The following BCAS3 variants were observed in gnomAD, a reference collection of about 807,000 sequenced individuals.
The protein encoded by BCAS3 is BCAS3 microtubule associated cell migration factor.
Under a neutral mutation model 116.1 loss-of-function variants are expected in BCAS3, and 53 were observed. The observed-to-expected ratio is 0.46, with a 90% CI of 0.37 to 0.57. The LOEUF is 0.57. Ranked by LOEUF, BCAS3 falls within the 20% of genes least tolerant of loss-of-function variation. The probability of loss-of-function intolerance (pLI) is 0.00; values close to 1 mark genes in which losing one functional copy is unlikely to be tolerated. For missense variants in BCAS3, 917 were observed against 1,165.4 expected (o/e 0.79, Z 3.10); for synonymous variants, 391 against 408.2 (o/e 0.96, Z 0.51).
chr17:61,319,894 T>TA (rs1364084572), intron 22 of BCAS3, among the ~76,000 whole-genome samples: 6 of 129,330 alleles, frequency 4.6e-5, no homozygotes, highest in African/African-American at 2.2e-4. Flanking sequence ...TTTTTATTTT[T>TA]TATTTTTTTT....
At position 61,258,628 on chromosome 17, in the gene BCAS3, CATTG is replaced by C. The variant is rs1296675413; in HGVS notation, c.2426-109695_2426-109692del. ...ACTGTTCCCCTTGATCATAATACAA[CATTG>C]ATTAAGTAAGTAGACTGATGTTCAC... On this transcript the variant is annotated intron_variant, in intron 22 of 23. Transcript: ENST00000407086. The surrounding 1 kb of genome is among the most constrained non-coding windows in gnomAD (Gnocchi z 4.7). 1.3e-5 allele frequency among the ~76,000 whole-genome samples: 2 copies of C among 152,226 alleles called. No homozygotes were observed. Among genetic ancestry groups the C allele is most frequent in the Non-Finnish European group, 2.9e-5 (2 of 68,032 alleles).
chr17:61,253,673 G>A (rs1266033445), intron 22 of BCAS3, among the ~76,000 whole-genome samples: 1 of 150,454 alleles, frequency 6.6e-6, no homozygotes, highest in Non-Finnish European at 1.5e-5. Context: ...GGATGCCTCT[G>A]GGCCAGTGCT....
chr17:60,770,454 T>C (rs2044560011), intron 6 of BCAS3, among the ~76,000 whole-genome samples: 1 of 139,444 alleles, frequency 7.2e-6, no homozygotes, highest in African/African-American at 2.7e-5. Context: ...GAGTCTTGCC[T>C]TGTCACCAGG....
intron 22 of BCAS3, among the ~76,000 whole-genome samples, chr17:61,266,298 A>G (rs1188750894): frequency 6.6e-6 from 1 of 152,184 alleles, no homozygotes; most frequent in Non-Finnish European, 1.5e-5. Context: ...AAGGAGACAA[A>G]TGGCTTAAAG....
chr17:61,027,761 T>G (rs8079211), intron 16 of BCAS3, among the ~76,000 whole-genome samples: 1 of 151,718 alleles, frequency 6.6e-6, no homozygotes, highest in Non-Finnish European at 1.5e-5. Flanking sequence ...AATGTACCTA[T>G]GTAATGGACT....
At chr17:60,893,874 G>T (rs1358835613) in intron 10 of BCAS3, among the ~76,000 whole-genome samples, 2 of 152,058 alleles carry the variant, frequency 1.3e-5, no homozygotes, top group African/African-American at 4.8e-5. Flanking sequence ...CTCCCAAAGT[G>T]CTGGGATTGC....
intron 5 of BCAS3, among the ~76,000 whole-genome samples, chr17:60,745,871 A>C (rs1433827112): frequency 6.6e-6 from 1 of 152,162 alleles, no homozygotes; most frequent in Non-Finnish European, 1.5e-5. Context: ...ACAACTTAAC[A>C]TTTTAAGAAA....
At chr17:60,876,097 T>C (rs897967252) in intron 9 of BCAS3, among the ~76,000 whole-genome samples, 8 of 152,072 alleles carry the variant, frequency 5.3e-5, no homozygotes, top group African/African-American at 1.7e-4. Flanking sequence ...GTTGCCATAC[T>C]GGACTTAACT....
chr17:61,101,980 G>A (rs1305520712), intron 22 of BCAS3, among the ~76,000 whole-genome samples: 1 of 152,092 alleles, frequency 6.6e-6, no homozygotes, highest in Non-Finnish European at 1.5e-5. Context: ...GCTGTGGGAT[G>A]ATACCTTTAT....
intron 22 of BCAS3, among the ~76,000 whole-genome samples, chr17:61,230,012 C>G (rs143282444): frequency 0.02 from 3,019 of 152,198 alleles, 97 homozygotes; most frequent in African/African-American, 0.069. Context: ...ATAGTCCCAG[C>G]TACTCAGGAG....
Position 61,176,138 on chromosome 17 carries a change from CAAA to C in BCAS3, c.2425+91595_2425+91597del, listed in dbSNP as rs534042215. 3.4e-3 allele frequency among the ~76,000 whole-genome samples: 171 copies of C among 50,032 alleles called. 1 individual carries two copies. The highest frequency in any genetic ancestry group is 0.011 in the African/African-American group (163 of 15,176). The allele number at this position is 50,032 out of a possible 152,430, so 32.8% of individuals were successfully genotyped here. A position where few individuals can be genotyped will look rare whatever the true frequency, so the allele number is the denominator to read the frequency against. On this transcript the variant is annotated intron_variant, in intron 22 of 23. Coordinates refer to ENST00000407086, the MANE Select transcript of BCAS3 (RefSeq NM_017679.5). ...TGGGAGACAGAGCAAGACCCTATCT[CAAA>C]AAAAAAAAAAAAAAAAAAAAGAAAA...
At chr17:60,981,761 G>A (rs1351918552) in intron 14 of BCAS3, among the ~76,000 whole-genome samples, 2 of 152,132 alleles carry the variant, frequency 1.3e-5, no homozygotes, top group Non-Finnish European at 2.9e-5. Flanking sequence ...CTATGAAATT[G>A]GCATAATTAT....
At chr17:61,091,917 C>A (rs1362121886) in intron 22 of BCAS3, among the ~76,000 whole-genome samples, 2 of 152,266 alleles carry the variant, frequency 1.3e-5, no homozygotes, top group South Asian at 4.1e-4. Context: ...AGCAAAAATG[C>A]ATGTTTTAAT....
intron 22 of BCAS3, among the ~76,000 whole-genome samples, chr17:61,221,013 T>C (rs980519770): frequency 1.3e-5 from 2 of 152,088 alleles, no homozygotes; most frequent in Non-Finnish European, 2.9e-5. Flanking sequence ...GGCAGAAGAA[T>C]GGCATGAACC....
Position 61,003,030 on chromosome 17 carries a change from C to G in BCAS3, c.1487-12721C>G, listed in dbSNP as rs187694499. Among the ~76,000 whole-genome samples the G allele has an allele frequency of 7.1e-4, 108 of 151,940 alleles. 2 individuals carry two copies. In the East Asian group the frequency reaches 0.02, roughly 29 times the overall value. On this transcript the variant is annotated intron_variant, in intron 15 of 23. Transcript: ENST00000407086. ...CTTTTTGGCCTATCCTCCCCACTCT[C>G]GGGTGTCATTCCCCAGAGGCCTCTT... is the stretch of plus-strand genomic sequence containing the variant.
chr17:61,312,849 C>A (rs2054427638), intron 22 of BCAS3, among the ~76,000 whole-genome samples: 1 of 152,192 alleles, frequency 6.6e-6, no homozygotes, highest in Non-Finnish European at 1.5e-5. Context: ...AACCAAAGAG[C>A]TTTCTAAGTG....
chr17:61,254,224 G>T (rs1465230254), intron 22 of BCAS3, among the ~76,000 whole-genome samples: 1 of 152,134 alleles, frequency 6.6e-6, no homozygotes, highest in Middle Eastern at 3.2e-3. Context: ...ACCCTGCTGG[G>T]CTGCTCCTGC....
chr17:61,269,193 CA>C (rs2050023002), intron 22 of BCAS3, among the ~76,000 whole-genome samples: 1 of 151,500 alleles, frequency 6.6e-6, no homozygotes, highest in South Asian at 2.1e-4. Flanking sequence ...CGGCTCACCA[CA>C]ACCTCAGCCT....
chr17:61,258,328 TCG>T lies in BCAS3; in HGVS notation c.2426-109998_2426-109997del, dbSNP rs2048943948. Among the ~76,000 whole-genome samples, 1 of 152,248 alleles carries T rather than the reference TCG, an allele frequency of 6.6e-6. No homozygotes were observed. Among genetic ancestry groups the T allele is most frequent in the Non-Finnish European group, 1.5e-5 (1 of 68,038 alleles). On this transcript the variant is annotated intron_variant, in intron 22 of 23. Transcript: ENST00000407086. This position sits in a 1 kb window ranked among gnomAD's most constrained non-coding sequence, Gnocchi z 4.7. ...TTCATTGTGGAAAGGGGTTGTTACT[TCG>T]TGCCTTTAGATATCCACCATAATGT...
Sources: allele counts gnomAD v4.1 joint callset (sites outside exome capture counted in the v4.1 genomes callset), GRCh38; gene constraint gnomAD v4.1.1; non-coding constraint Gnocchi (gnomAD v3.1); transcripts MANE v1.5; gene names NCBI Gene and HGNC (gene_info 2026-07-23, HGNC 2026-07-21).